The following SNTB2 variants were observed in gnomAD, a reference collection of about 807,000 sequenced individuals.
SNTB2 encodes the protein syntrophin beta 2, also known as beta-2-syntrophin.
In SNTB2, 34 loss-of-function variants were observed where a neutral mutation model predicts 46.2. The ratio of observed to expected loss-of-function variants is 0.74; its 90% CI spans 0.56 to 0.98. The LOEUF (loss-of-function observed/expected upper bound fraction) is 0.98, where lower values mean the gene tolerates loss of function less well. SNTB2 is among the 50% of genes least tolerant of loss of function. The pLI, the probability that SNTB2 is intolerant of heterozygous loss-of-function variation, is 0.00. For synonymous variants in SNTB2, 290 were observed against 312.6 expected (o/e 0.93, Z 0.76); for missense variants, 603 against 731.4 (o/e 0.82, Z 2.02).
intron 3 of SNTB2, among the ~76,000 whole-genome samples, chr16:69,268,235 G>A (rs975632124): frequency 1.3e-5 from 2 of 152,206 alleles, no homozygotes; most frequent in Admixed American, 1.3e-4. Context: ...AGGCTGAGGT[G>A]GGTGGATCAC....
intron 2 of SNTB2, among the ~76,000 whole-genome samples, chr16:69,256,495 C>A (rs1309110945): frequency 6.6e-6 from 1 of 152,166 alleles, no homozygotes; most frequent in Non-Finnish European, 1.5e-5. Context: ...TTCACCCTTC[C>A]TTCAGCTCCT....
intron 1 of SNTB2, among the ~76,000 whole-genome samples, chr16:69,227,097 C>G (rs1964465724): frequency 6.6e-6 from 1 of 152,166 alleles, no homozygotes; most frequent in Middle Eastern, 3.2e-3. Context: ...CAAACAGTTG[C>G]AAGAATCCTT....
intron 1 of SNTB2, among the ~76,000 whole-genome samples, chr16:69,216,118 A>G (rs902856076): frequency 2.0e-5 from 3 of 152,320 alleles, no homozygotes. Flanking sequence ...CACCCAGCCC[A>G]TTATGTATAT....
At chr16:69,277,755 T>G (rs901769351) in intron 4 of SNTB2, among the ~76,000 whole-genome samples, 7 of 152,262 alleles carry the variant, frequency 4.6e-5, no homozygotes, top group Non-Finnish European at 8.8e-5. Context: ...TATTTCTCTT[T>G]GATGTACATT....
chr16:69,201,567 C>A lies in SNTB2; in HGVS notation c.580+13821C>A, dbSNP rs1054628985. Among the ~76,000 whole-genome samples, 3 of 152,030 alleles carry A rather than the reference C, an allele frequency of 2.0e-5. No individual in the cohort carries two copies. The South Asian group carries it at 6.2e-4, about 31-fold the overall frequency. ...TGTGTTTAAAATTGAGGGTGGGTAA[C>A]GTTGCTAAATCATTGGGTGTTAGCC... On this transcript the variant is annotated intron_variant, in intron 1 of 6. Coordinates refer to ENST00000336278, the MANE Select transcript of SNTB2 (RefSeq NM_006750.4).
intron 1 of SNTB2, among the ~76,000 whole-genome samples, chr16:69,213,822 CTTTTTTTT>C (rs35759695): frequency 1.5e-4 from 14 of 91,642 alleles, no homozygotes; most frequent in Admixed American, 1.3e-4. Context: ...TTTTAGAGTT[CTTTTTTTT>C]TTTTTTTTTT....
chr16:69,213,657 G>T (rs1478507169), intron 1 of SNTB2, among the ~76,000 whole-genome samples: 2 of 151,258 alleles, frequency 1.3e-5, no homozygotes, highest in South Asian at 2.1e-4. Context: ...GTGCCACCAC[G>T]CCCGGCTAAT....
chr16:69,255,893 T>A (rs1171236729), intron 2 of SNTB2, among the ~76,000 whole-genome samples: 1 of 139,818 alleles, frequency 7.2e-6, no homozygotes, highest in African/African-American at 2.7e-5. Context: ...AAAAAAAAAA[T>A]TGGTTGGGGT....
intron 4 of SNTB2, among the ~76,000 whole-genome samples, chr16:69,277,266 A>G (rs1964992245): frequency 6.6e-6 from 1 of 152,232 alleles, no homozygotes; most frequent in Non-Finnish European, 1.5e-5. Flanking sequence ...GAAAACTCAT[A>G]TCTGCTACTG....
At chr16:69,247,141 T>A (rs187463870) in intron 2 of SNTB2, among the ~76,000 whole-genome samples, 1 of 151,766 alleles carries the variant, frequency 6.6e-6, no homozygotes, top group East Asian at 1.9e-4. Context: ...CCTTATACTG[T>A]AGGTAGTATA....
chr16:69,212,185 C>T (rs1410117504), intron 1 of SNTB2, among the ~76,000 whole-genome samples: 1 of 152,118 alleles, frequency 6.6e-6, no homozygotes, highest in South Asian at 2.1e-4. Context: ...TGCTGTAACA[C>T]TAGCCAGGCA....
chr16:69,236,441 C>T (rs1475755816), intron 1 of SNTB2, among the ~76,000 whole-genome samples: 1 of 151,900 alleles, frequency 6.6e-6, no homozygotes, highest in Non-Finnish European at 1.5e-5. Flanking sequence ...TGTGAGGTAC[C>T]TAGAGTAGTC....
At chr16:69,213,912 C>T (rs773617755) in intron 1 of SNTB2, among the ~76,000 whole-genome samples, 18 of 140,016 alleles carry the variant, frequency 1.3e-4, no homozygotes, top group Non-Finnish European at 2.1e-4. Context: ...AACCTCTGCT[C>T]CCAGGTTCAA....
intron 1 of SNTB2, among the ~76,000 whole-genome samples, chr16:69,230,211 A>T (rs777992636): frequency 1.3e-5 from 2 of 152,164 alleles, no homozygotes; most frequent in Non-Finnish European, 2.9e-5. Context: ...TGCACTCACA[A>T]ATGTGACCAC....
At chr16:69,268,149 C>G (rs1567410951) in intron 3 of SNTB2, among the ~76,000 whole-genome samples, 2 of 152,184 alleles carry the variant, frequency 1.3e-5, no homozygotes. Flanking sequence ...ATGGTACCTT[C>G]TAAGCTGAAA....
intron 5 of SNTB2, among the ~76,000 whole-genome samples, chr16:69,294,759 C>T (rs568488451): frequency 1.4e-4 from 21 of 151,818 alleles, no homozygotes; most frequent in East Asian, 3.9e-4. Context: ...AAGCACCTAC[C>T]GCAGAGCCCT....
chr16:69,307,465 A>C lies in SNTB2; in HGVS notation c.*6541A>C, dbSNP rs1252410788. 6.6e-6 allele frequency: 1 copy of C among 152,238 alleles called. No individual in the cohort carries two copies. The highest frequency in any genetic ancestry group is 2.4e-5 in the African/African-American group (1 of 41,456). The allele number at this position is 152,238 out of a possible 1,614,324, so 9.4% of individuals were successfully genotyped here. ...TGTAAGATAAATCACAACAACAAAA[A>C]TTAAGTTTTATTGCACAAAGTAGAT... On this transcript the variant is annotated 3_prime_UTR_variant, in exon 7 of 7. Coordinates refer to ENST00000336278, the MANE Select transcript of SNTB2 (RefSeq NM_006750.4).
intron 3 of SNTB2, among the ~76,000 whole-genome samples, chr16:69,265,439 C>A (rs1269541845): frequency 6.6e-6 from 1 of 152,144 alleles, no homozygotes; most frequent in Non-Finnish European, 1.5e-5. Flanking sequence ...ACCAGAAGTA[C>A]ATTGCCTGTG....
intron 1 of SNTB2, among the ~76,000 whole-genome samples, chr16:69,223,717 C>T (rs1166198782): frequency 6.6e-6 from 1 of 152,098 alleles, no homozygotes; most frequent in Non-Finnish European, 1.5e-5. Context: ...CAAGCTCCGC[C>T]TTCTGGATTC....
Sources: gnomAD v4.1 joint callset for allele counts (sites outside exome capture counted in the v4.1 genomes callset) on GRCh38, gnomAD v4.1.1 for gene constraint, MANE v1.5 for transcripts, NCBI Gene and HGNC (gene_info 2026-07-23, HGNC 2026-07-21) for gene names.